PCDH15: variants seen among roughly 807,000 people sequenced by gnomAD.
PCDH15 encodes the protein protocadherin-15.
Under a neutral mutation model 178.5 loss-of-function variants are expected in PCDH15, and 129 were observed. The ratio of observed to expected loss-of-function variants is 0.72; its 90% CI spans 0.63 to 0.84. The LOEUF (loss-of-function observed/expected upper bound fraction) is 0.84. Ranked by LOEUF, PCDH15 falls within the 40% of genes least tolerant of loss-of-function variation. The pLI is 0.00. For synonymous variants in PCDH15, 800 were observed against 732.0 expected (o/e 1.09, Z -1.50); for missense variants, 2,230 against 2,099.9 (o/e 1.06, Z -1.21).
At chr10:54,809,747 CA>C in intron 3 of PCDH15, among the ~76,000 whole-genome samples, 1 of 151,996 alleles carries the variant, frequency 6.6e-6, no homozygotes, top group Non-Finnish European at 1.5e-5. Flanking sequence ...GGATATTCCT[CA>C]GAATAAATCT....
At chr10:55,076,549 G>C (rs1047349195) in intron 2 of PCDH15, among the ~76,000 whole-genome samples, 1 of 151,320 alleles carries the variant, frequency 6.6e-6, no homozygotes, top group South Asian at 2.1e-4. Context: ...CCTTCAAATG[G>C]TTCTTGTGCC....
intron 2 of PCDH15, among the ~76,000 whole-genome samples, chr10:54,999,685 T>C (rs972290529): frequency 1.3e-5 from 2 of 152,178 alleles, no homozygotes; most frequent in Non-Finnish European, 2.9e-5. Context: ...GACGCCACAG[T>C]ACTGGGTTGA....
At chr10:55,140,105 T>A (rs1209005071) in intron 2 of PCDH15, among the ~76,000 whole-genome samples, 2 of 151,990 alleles carry the variant, frequency 1.3e-5, no homozygotes, top group African/African-American at 4.8e-5. Context: ...ATTTTTTAAA[T>A]GTTTATTTGG....
chr10:54,418,548 A>T lies in PCDH15; in HGVS notation c.158-39606T>A, dbSNP rs1954783774. ...AATTACATTCGGTATGACAGAAGAC[A>T]AATTACAGTATTAGAACATTATGGA... On this transcript the variant is annotated intron_variant, in intron 3 of 37. Coordinates refer to ENST00000644397, the MANE Select transcript of PCDH15 (RefSeq NM_001384140.1). Among the ~76,000 whole-genome samples, 4 of 151,980 alleles carry T rather than the reference A, an allele frequency of 2.6e-5. No individual in the cohort carries two copies. The South Asian group carries it at 8.3e-4, about 31-fold the overall frequency.
chr10:55,310,906 G>A (rs1434154189), intron 1 of PCDH15, among the ~76,000 whole-genome samples: 1 of 152,126 alleles, frequency 6.6e-6, no homozygotes, highest in Non-Finnish European at 1.5e-5. Flanking sequence ...GATAGCATTA[G>A]GAGAAATACC....
intron 25 of PCDH15, among the ~76,000 whole-genome samples, chr10:53,933,328 C>T (rs552437860): frequency 5.6e-4 from 85 of 151,678 alleles, no homozygotes; most frequent in African/African-American, 1.9e-3. Flanking sequence ...TCCCCCCTTC[C>T]CCCACCCCAC....
chr10:54,575,498 C>T (rs974235406), intron 2 of PCDH15, among the ~76,000 whole-genome samples: 3 of 151,924 alleles, frequency 2.0e-5, no homozygotes, highest in African/African-American at 4.8e-5. Context: ...TTGTATTGTA[C>T]TCATGATGTT....
chr10:55,440,699 G>A (rs978874813), intron 2 of PCDH15, among the ~76,000 whole-genome samples: 8 of 152,122 alleles, frequency 5.3e-5, no homozygotes, highest in African/African-American at 1.9e-4. Flanking sequence ...GAGGCCAGGA[G>A]TAAAAAGCAC....
intron 2 of PCDH15, among the ~76,000 whole-genome samples, chr10:55,581,790 A>G (rs1274120269): frequency 6.6e-6 from 1 of 152,148 alleles, no homozygotes; most frequent in Non-Finnish European, 1.5e-5. Context: ...AATCCACTAA[A>G]GTCTAACACA....
chr10:55,105,405 G>A (rs1414023792), intron 2 of PCDH15, among the ~76,000 whole-genome samples: 4 of 152,074 alleles, frequency 2.6e-5, no homozygotes, highest in African/African-American at 9.7e-5. Context: ...CAACTATACT[G>A]TATTTCTAGG....
At chr10:53,879,924 T>C (rs1003052644) in intron 26 of PCDH15, among the ~76,000 whole-genome samples, 4 of 152,228 alleles carry the variant, frequency 2.6e-5, no homozygotes, top group Admixed American at 1.3e-4. Context: ...AGTGCTGGTA[T>C]CACAGGCTTG....
intron 14 of PCDH15, among the ~76,000 whole-genome samples, chr10:54,149,329 A>G (rs2044286811): frequency 6.6e-6 from 1 of 152,072 alleles, no homozygotes; most frequent in Admixed American, 6.6e-5. Flanking sequence ...TGTTTTCCAG[A>G]ATGTAGTAAA....
chr10:54,353,163 G>A (rs1022268003), intron 5 of PCDH15, among the ~76,000 whole-genome samples: 5 of 151,922 alleles, frequency 3.3e-5, no homozygotes, highest in African/African-American at 1.2e-4. Flanking sequence ...CATTATATTG[G>A]TCTTACTTTA....
intron 8 of PCDH15, among the ~76,000 whole-genome samples, chr10:54,264,097 C>T (rs2057512481): frequency 6.6e-6 from 1 of 152,126 alleles, no homozygotes; most frequent in Non-Finnish European, 1.5e-5. Flanking sequence ...AGCTTCCCTA[C>T]TTTTGAGGCT....
At chr10:54,735,781 C>G (rs2132718857) in intron 1 of PCDH15, among the ~76,000 whole-genome samples, 1 of 118,774 alleles carries the variant, frequency 8.4e-6, no homozygotes, top group African/African-American at 3.2e-5. Context: ...AAACCAAACA[C>G]CGCATATTCT....
chr10:55,035,296 G>T (rs1840707830), intron 2 of PCDH15, among the ~76,000 whole-genome samples: 1 of 152,030 alleles, frequency 6.6e-6, no homozygotes, highest in African/African-American at 2.4e-5. Flanking sequence ...CTGCTTGAAG[G>T]ATAATTCATA....
intron 2 of PCDH15, among the ~76,000 whole-genome samples, chr10:54,587,573 T>G (rs1363052462): frequency 1.3e-5 from 2 of 150,930 alleles, no homozygotes; most frequent in Non-Finnish European, 2.9e-5. Context: ...CTTACAGAGA[T>G]ACTTAACAAT....
At chr10:55,170,133 T>C (rs1839294126) in intron 1 of PCDH15, among the ~76,000 whole-genome samples, 1 of 152,008 alleles carries the variant, frequency 6.6e-6, no homozygotes, top group African/African-American at 2.4e-5. Context: ...TTGTTGTTGA[T>C]GTGGGTTTTG....
intron 13 of PCDH15, among the ~76,000 whole-genome samples, chr10:54,177,510 T>G (rs375218018): frequency 5.9e-5 from 9 of 152,212 alleles, no homozygotes; most frequent in Non-Finnish European, 1.3e-4. Context: ...GGGGCAGGTA[T>G]GCATCTGTGG....
Sources: gnomAD v4.1 joint callset for allele counts (sites outside exome capture counted in the v4.1 genomes callset) on GRCh38, gnomAD v4.1.1 for gene constraint, MANE v1.5 for transcripts, NCBI Gene and HGNC (gene_info 2026-07-23, HGNC 2026-07-21) for gene names.